The following ASIC3 variants were observed in gnomAD, a reference collection of about 807,000 sequenced individuals.
The protein encoded by ASIC3 is acid sensing ion channel subunit 3.
ASIC3 carries 46 observed loss-of-function variants against 58.6 expected under a neutral mutation model. The ratio of observed to expected loss-of-function variants is 0.79; its 90% CI spans 0.62 to 1.00. ASIC3 has a LOEUF of 1.00. ASIC3 is among the 50% of genes least tolerant of loss of function. The pLI, the probability that ASIC3 is intolerant of heterozygous loss-of-function variation, is 0.00. For synonymous variants in ASIC3, 336 were observed against 300.2 expected (o/e 1.12, Z -1.23); for missense variants, 770 against 735.0 (o/e 1.05, Z -0.55).
Position 151,049,006 on chromosome 7 carries a change from C to G in ASIC3, c.121C>G (p.Arg41Gly). 1 of 1,612,242 alleles carries G rather than the reference C, an allele frequency of 6.2e-7. No homozygotes were observed. Among genetic ancestry groups the G allele is most frequent in the Non-Finnish European group, 8.5e-7 (1 of 1,178,820 alleles). The change falls in exon 1 of 11, where the codon CGC becomes GGC. Residue 41 changes from arginine to glycine, a missense_variant. Physicochemically the swap from Arg to Gly is moderately radical, Grantham distance 125 (BLOSUM62 -2). Coordinates refer to ENST00000349064, the MANE Select transcript of ASIC3 (RefSeq NM_004769.4). ...CTTCGGGCCAGGCAGCCTGAGCCTG[C>G]GCCGGGGGATGTGGGCAGCGGCCGT... ...HVFGPGSLSL[R>G]RGMWAAAVVL...
rs200466021 is a variant in ASIC3, at chr7:151,050,750, C to T, written c.814-8C>T. 255 of 1,612,988 alleles carry T rather than the reference C, an allele frequency of 1.6e-4. 2 individuals are homozygous for T. The African/African-American group carries it at 2.5e-3, about 16-fold the overall frequency. ...CCGGGAAGCCTCCTTAACCCTGTCC[C>T]CCCACAGCTGAGCTTCCTGCCACCG... On this transcript the variant is annotated splice_region_variant and splice_polypyrimidine_tract_variant and intron_variant, in intron 3 of 10. Coordinates refer to ENST00000349064, the MANE Select transcript of ASIC3 (RefSeq NM_004769.4).
Position 151,049,050 on chromosome 7 carries a change from C to G in ASIC3, c.165C>G (p.Thr55=). 1.2e-6 allele frequency: 2 copies of G among 1,613,082 alleles called. No individual in the cohort carries two copies. The highest frequency in any genetic ancestry group is 1.7e-6 in the Non-Finnish European group (2 of 1,179,182). Residue 55 remains threonine, a synonymous_variant, in exon 1 of 11, where the codon ACC becomes ACG. Transcript: ENST00000349064. ...WAAAVVLSVA[T]FLYQVAERVR... Reference sequence around the variant, plus strand: ...CGGCCGTGGTCCTGTCAGTGGCCACCTTCCTCTACCAGGTGGCTGAGAGGG... The same window carrying G: ...CGGCCGTGGTCCTGTCAGTGGCCACGTTCCTCTACCAGGTGGCTGAGAGGG...
upstream of ASIC3, chr7:151,048,511 C>A (rs558929874): frequency 2.9e-5 from 7 of 244,878 alleles, no homozygotes; most frequent in East Asian, 3.1e-4. Context: ...CCCTTTCCCC[C>A]CTACTGCTGA....
chr7:151,048,961 A>T lies in ASIC3; in HGVS notation c.76A>T (p.Met26Leu), dbSNP rs753806600. The T allele has an allele frequency of 1.2e-6, 2 of 1,600,278 alleles. No individual in the cohort carries two copies. The highest frequency in any genetic ancestry group is 8.5e-7 in the Non-Finnish European group (1 of 1,170,236). ...DIRVFASNCS[M>L]HGLGHVFGPG... is the part of the protein sequence containing the mutation. ...CCGCGTGTTCGCCAGCAACTGCTCG[A>T]TGCACGGGCTGGGCCACGTCTTCGG... is the stretch of plus-strand genomic sequence containing the variant. Residue 26 changes from methionine (M) to leucine (L), a missense_variant, in exon 1 of 11, where the codon ATG (methionine) becomes TTG (leucine). Met to Leu is a conservative substitution (Grantham distance 15). Transcript: ENST00000349064.
At position 151,052,015 on chromosome 7, in the gene ASIC3, G is replaced by A. The variant is rs949988707; in HGVS notation, c.1339G>A (p.Gly447Arg). ...DIGGQMGLFI[G>R]ASLLTILEIL... The stretch of plus-strand genomic sequence containing the variant: ...TGGGGGCCAGATGGGGCTGTTCATC[G>A]GGGCCAGCCTGCTCACCATCCTCGA... Residue 447 changes from glycine (G) to arginine (R), a missense_variant, in exon 8 of 11, where the codon GGG becomes AGG. Coordinates refer to ENST00000349064, the MANE Select transcript of ASIC3 (RefSeq NM_004769.4). The surrounding 1 kb of genome is among the most constrained non-coding windows in gnomAD (Gnocchi z 5.0). The A allele has an allele frequency of 9.3e-6, 15 of 1,613,600 alleles. No individual in the cohort carries two copies. The highest frequency in any genetic ancestry group is 5.3e-5 in the African/African-American group (4 of 74,896).
In ASIC3 at chr7:151,052,543, T is replaced by TCCCAC; in HGVS notation, c.1518-26_1518-22dup. The TCCCAC allele has an allele frequency of 6.2e-7, 1 of 1,613,604 alleles. No homozygotes were observed. Among genetic ancestry groups the TCCCAC allele is most frequent in the Admixed American group, 1.7e-5 (1 of 59,972 alleles). On this transcript the variant is annotated intron_variant, in intron 10 of 10. Coordinates refer to ENST00000349064, the MANE Select transcript of ASIC3 (RefSeq NM_004769.4). The surrounding 1 kb of genome is among the most constrained non-coding windows in gnomAD (Gnocchi z 5.0). ...GGCTCAGGACAGTGGGTGTGCCCGTTCCCACCCCAGCACTCTGCTCTGTTC... is the reference window on the plus strand; with the variant it reads ...GGCTCAGGACAGTGGGTGTGCCCGTTCCCACCCCACCCCAGCACTCTGCTCTGTTC...
In ASIC3 at chr7:151,049,036, C is replaced by A; in HGVS notation, c.151C>A (p.Leu51Met). Residue 51 changes from leucine to methionine, a missense_variant, in exon 1 of 11, where the codon CTG (leucine) becomes ATG (methionine). By Grantham distance (15) the Leu-to-Met change is conservative (BLOSUM62 2). Transcript: ENST00000349064. Reference protein sequence around the residue: ...RRGMWAAAVVLSVATFLYQVA... With the variant: ...RRGMWAAAVVMSVATFLYQVA... Reference sequence around the variant, plus strand: ...GGGGATGTGGGCAGCGGCCGTGGTCCTGTCAGTGGCCACCTTCCTCTACCA... The same window carrying A: ...GGGGATGTGGGCAGCGGCCGTGGTCATGTCAGTGGCCACCTTCCTCTACCA... 1 of 1,613,746 alleles carries A rather than the reference C, an allele frequency of 6.2e-7. No individual in the cohort carries two copies.
chr7:151,049,475 G>A (rs1054612007), intron 1 of ASIC3, 56 bp downstream of exon 1: 12 of 1,513,900 alleles, frequency 7.9e-6, no homozygotes, highest in Middle Eastern at 1.8e-4. Flanking sequence ...ACCAGTCCCT[G>A]CCCAGCACCC....
At position 151,048,766 on chromosome 7, in the gene ASIC3, CTCTCT is replaced by C. The variant is rs1796686466; in HGVS notation, c.-115_-111del. On this transcript the variant is annotated 5_prime_UTR_variant, in exon 1 of 11. Coordinates refer to ENST00000349064, the MANE Select transcript of ASIC3 (RefSeq NM_004769.4). The stretch of plus-strand genomic sequence containing the variant: ...CTTCCAACCTTGGCTGTCTCCCACC[CTCTCT>C]TCTCCTCTCCTTGCCTGGCCTCCTG... The C allele has an allele frequency of 7.8e-7, 1 of 1,285,698 alleles. No individual in the cohort carries two copies. Among genetic ancestry groups the C allele is most frequent in the Non-Finnish European group, 1.1e-6 (1 of 931,458 alleles). 79.6% of individuals were successfully genotyped at this position (1,285,698 alleles called of 1,614,324 possible).
intron 1 of ASIC3, 142 bp downstream of exon 1, chr7:151,049,561 C>A: frequency 9.8e-7 from 1 of 1,018,886 alleles, no homozygotes. Context: ...ACTCCCCACC[C>A]CCCAGTGCCA....
Position 151,050,032 on chromosome 7 carries a change from A to T in ASIC3, c.535-74A>T, listed in dbSNP as rs1450540182. 2.5e-6 allele frequency: 4 copies of T among 1,595,060 alleles called. No homozygotes were observed. The South Asian group carries it at 3.3e-5, about 13-fold the overall frequency. On this transcript the variant is annotated intron_variant, in intron 1 of 10. Coordinates refer to ENST00000349064, the MANE Select transcript of ASIC3 (RefSeq NM_004769.4). ...TTCAAAGAAGAGACGCAAACATACC[A>T]TGAGGTGGGGAGAGGTCCCATGACC... is the stretch of plus-strand genomic sequence containing the variant.
chr7:151,051,992 G>C lies in ASIC3; in HGVS notation c.1316G>C (p.Gly439Ala). ...GACCCTGTCTCCACAGGTGACATTGGGGGCCAGATGGGGCTGTTCATCGGG... is the reference window on the plus strand; with the variant it reads ...GACCCTGTCTCCACAGGTGACATTGCGGGCCAGATGGGGCTGTTCATCGGG... Reference protein sequence around the residue: ...YEMSELLGDIGGQMGLFIGAS... With the variant: ...YEMSELLGDIAGQMGLFIGAS... Residue 439 changes from glycine to alanine, a missense_variant, in exon 8 of 11, where the codon GGG (glycine) becomes GCG (alanine). Transcript: ENST00000349064. 6.2e-7 allele frequency: 1 copy of C among 1,613,478 alleles called. No homozygotes were observed. Among genetic ancestry groups the C allele is most frequent in the African/African-American group, 1.3e-5 (1 of 74,870 alleles).
At position 151,048,714 on chromosome 7, in the gene ASIC3, A is replaced by G; in HGVS notation, c.-172A>G. ...CCTGACCGGCCAGATCACCTCCTCC[A>G]ATCCTGCCAGGCTAGTGCCTCCCTG... On this transcript the variant is annotated 5_prime_UTR_variant, in exon 1 of 11. Coordinates refer to ENST00000349064, the MANE Select transcript of ASIC3 (RefSeq NM_004769.4). 1.3e-6 allele frequency: 1 copy of G among 785,502 alleles called. No homozygotes were observed. The highest frequency in any genetic ancestry group is 2.6e-5 in the Admixed American group (1 of 38,684). The allele number at this position is 785,502 out of a possible 1,614,324, so 48.7% of individuals were successfully genotyped here.
In ASIC3 at chr7:151,050,910, C is replaced by T; in HGVS notation, c.966C>T (p.Arg322=). The change falls in exon 4 of 11, where the codon CGC becomes CGT. Residue 322 remains arginine, a synonymous_variant. Coordinates refer to ENST00000349064, the MANE Select transcript of ASIC3 (RefSeq NM_004769.4). ...LMGCRLACET[R]YVARKCGCRM... ...GGTGTCGCCTGGCCTGCGAAACCCG[C>T]TACGTGGCTCGGAAGTGCGGCTGCC... 1 of 1,613,550 alleles carries T rather than the reference C, an allele frequency of 6.2e-7. No individual in the cohort carries two copies. Among genetic ancestry groups the T allele is most frequent in the African/African-American group, 1.3e-5 (1 of 75,080 alleles).
chr7:151,049,412 T>C lies in ASIC3; in HGVS notation c.527T>C (p.Phe176Ser). 1 of 1,585,106 alleles carries C rather than the reference T, an allele frequency of 6.3e-7. No homozygotes were observed. Among genetic ancestry groups the C allele is most frequent in the East Asian group, 2.2e-5 (1 of 44,496 alleles). ...GGCCAACCTTGTGGGCCTGAGAACTTCACCACGGTGAGCTGACCTCCCTAC... is the reference window on the plus strand; with the variant it reads ...GGCCAACCTTGTGGGCCTGAGAACTCCACCACGGTGAGCTGACCTCCCTAC... ...FRGQPCGPEN[F>S]TTIFTRMGKC... The change falls in exon 1 of 11, where the codon TTC becomes TCC. Residue 176 changes from phenylalanine (F) to serine (S), a missense_variant. Transcript: ENST00000349064.
rs377323790 is a variant in ASIC3, at chr7:151,049,223, C to T, written c.338C>T (p.Ala113Val). 31 of 1,611,952 alleles carry T rather than the reference C, an allele frequency of 1.9e-5. No individual in the cohort carries two copies. Among genetic ancestry groups the T allele is most frequent in the Middle Eastern group, 1.6e-4 (1 of 6,080 alleles). ...TPNDLHWAGSALLGLDPAEHA... is the reference protein window; with the variant it reads ...TPNDLHWAGSVLLGLDPAEHA... ...AACGACCTGCACTGGGCTGGGTCTG[C>T]GCTGCTGGGCCTGGATCCCGCAGAG... The change falls in exon 1 of 11, where the codon GCG becomes GTG. Residue 113 changes from alanine to valine, a missense_variant. Physicochemically the swap from Ala to Val is moderately conservative, Grantham distance 64. Transcript: ENST00000349064.
At position 151,050,133 on chromosome 7, in the gene ASIC3, A is replaced by T; in HGVS notation, c.562A>T (p.Thr188Ser). 1.2e-6 allele frequency: 2 copies of T among 1,614,184 alleles called. No homozygotes were observed. The highest frequency in any genetic ancestry group is 1.7e-6 in the Non-Finnish European group (2 of 1,180,022). The change falls in exon 2 of 11, where the codon ACA (threonine) becomes TCA (serine). Residue 188 changes from threonine to serine, a missense_variant. Transcript: ENST00000349064. ...CTTCACCCGGATGGGAAAGTGCTAC[A>T]CATTTAACTCTGGCGCTGATGGGGC... ...TIFTRMGKCY[T>S]FNSGADGAEL...
intron 5 of ASIC3, 31 bp downstream of exon 5, chr7:151,051,126 GCCCCGC>G: frequency 6.2e-7 from 1 of 1,600,972 alleles, no homozygotes; most frequent in Non-Finnish European, 8.5e-7. Context: ...CCTCCCGTCC[GCCCCGC>G]TCCGCCCGCG....
upstream of ASIC3, chr7:151,048,509 C>T (rs1584964762): frequency 8.3e-6 from 2 of 241,130 alleles, no homozygotes; most frequent in East Asian, 8.1e-5. Flanking sequence ...CCCCCTTTCC[C>T]CCCTACTGCT....
Sources: allele counts gnomAD v4.1 joint callset, GRCh38; gene constraint gnomAD v4.1.1; non-coding constraint Gnocchi (gnomAD v3.1); transcripts MANE v1.5; gene names NCBI Gene and HGNC (gene_info 2026-07-23, HGNC 2026-07-21).